The following SYNGR1 variants were observed in gnomAD, a reference collection of about 807,000 sequenced individuals.
SYNGR1 encodes synaptogyrin 1, also known as synaptogyrin-1.
A neutral mutation model predicts 26.1 loss-of-function variants in SYNGR1; 14 were observed. The ratio of observed to expected loss-of-function variants is 0.54; its 90% CI spans 0.35 to 0.84. The LOEUF (loss-of-function observed/expected upper bound fraction) is 0.84, where lower values mean the gene tolerates loss of function less well. Among genes scored for constraint, SYNGR1 ranks in the 40% least tolerant of loss-of-function variants. The probability of loss-of-function intolerance (pLI) is 0.01; values close to 1 mark genes in which losing one functional copy is unlikely to be tolerated. For synonymous variants in SYNGR1, 141 were observed against 150.1 expected (o/e 0.94, Z 0.44); for missense variants, 319 against 332.9 (o/e 0.96, Z 0.33).
At chr22:39,367,336 A>C (rs1215136267) in intron 1 of SYNGR1, among the ~76,000 whole-genome samples, 5 of 152,250 alleles carry the variant, frequency 3.3e-5, no homozygotes, top group Non-Finnish European at 5.9e-5. Context: ...CCAGCAAACA[A>C]ACAGCAAAGT....
chr22:39,377,283 A>AG lies in SYNGR1; in HGVS notation c.483+1091dup, dbSNP rs1031726049. The AG allele has an allele frequency of 2.1e-5, 21 of 985,324 alleles. No individual in the cohort carries two copies. The African/African-American group carries it at 3.5e-4, about 16-fold the overall frequency. The allele number at this position is 985,324 out of a possible 1,614,324, so 61.0% of individuals were successfully genotyped here. ...AACAATATTAGAAGATAGCATTTGG[A>AG]GGGGGAGACCCGTGGTTCAGGCCCT... On this transcript the variant is annotated intron_variant, in intron 3 of 3. Transcript: ENST00000328933.
intron 1 of SYNGR1, among the ~76,000 whole-genome samples, chr22:39,368,994 C>G (rs925461430): frequency 6.6e-6 from 1 of 152,204 alleles, no homozygotes; most frequent in Non-Finnish European, 1.5e-5. Flanking sequence ...TTACAGAGGA[C>G]CAATCTGAGG....
Position 39,385,436 on chromosome 22 carries a change from C to G in SYNGR1, c.*3522C>G, listed in dbSNP as rs1452442179. ...CCCATCCTGGGCCCCCACTCTAGAC[C>G]CCCCCACCACCTGGTTAAGTCTCGA... On this transcript the variant is annotated 3_prime_UTR_variant, in exon 4 of 4. Coordinates refer to ENST00000328933, the MANE Select transcript of SYNGR1 (RefSeq NM_004711.5). 2.0e-5 allele frequency: 3 copies of G among 152,588 alleles called. No homozygotes were observed. Among genetic ancestry groups the G allele is most frequent in the African/African-American group, 7.3e-5 (3 of 41,378 alleles). The allele number at this position is 152,588 out of a possible 1,614,324, so 9.5% of individuals were successfully genotyped here. A position where few individuals can be genotyped will look rare whatever the true frequency, so the allele number is the denominator to read the frequency against.
rs993258782 is a variant in SYNGR1, at chr22:39,384,807, G to A, written c.*2893G>A. On this transcript the variant is annotated 3_prime_UTR_variant, in exon 4 of 4. Transcript: ENST00000328933. ...AAAGGTTTCACATAAGTGTAGAGTC[G>A]CAAGGACGCTTAGAGTCGGCAGAGT... is the stretch of plus-strand genomic sequence containing the variant. The A allele has an allele frequency of 5.0e-6, 2 of 398,868 alleles. No individual in the cohort carries two copies. The highest frequency in any genetic ancestry group is 7.1e-5 in the East Asian group (2 of 28,162). The allele number at this position is 398,868 out of a possible 1,614,324, so 24.7% of individuals were successfully genotyped here. A position where few individuals can be genotyped will look rare whatever the true frequency, so the allele number is the denominator to read the frequency against.
At chr22:39,375,982 A>G (rs1265202247) in intron 2 of SYNGR1, 70 bp from the exon 3 acceptor site, 1 of 1,603,264 alleles carries the variant, frequency 6.2e-7, no homozygotes, top group Non-Finnish European at 8.5e-7. Flanking sequence ...CGGCTTCCCC[A>G]TTTTCTCCCC....
At chr22:39,369,514 T>C (rs1240191407) in intron 1 of SYNGR1, among the ~76,000 whole-genome samples, 5 of 152,100 alleles carry the variant, frequency 3.3e-5, no homozygotes, top group African/African-American at 1.2e-4. Context: ...ATCCCTTGGG[T>C]CTCTGGGAGT....
In SYNGR1 at chr22:39,385,225, G is replaced by C. The variant is rs1371121063; in HGVS notation, c.*3311G>C. On this transcript the variant is annotated 3_prime_UTR_variant, in exon 4 of 4. Transcript: ENST00000328933. ...ACTGGGCCGGCTGCCTCCCAGCGAT[G>C]CACTTGACCTGACACTCCCCATGTC... 9 of 382,588 alleles carry C rather than the reference G, an allele frequency of 2.4e-5. No homozygotes were observed. In the East Asian group the frequency reaches 3.4e-4, roughly 14 times the overall value. 23.7% of individuals were successfully genotyped at this position (382,588 alleles called of 1,614,324 possible). A position where few individuals can be genotyped will look rare whatever the true frequency, so the allele number is the denominator to read the frequency against.
chr22:39,381,116 C>T (rs1323736845), intron 3 of SYNGR1, among the ~76,000 whole-genome samples: 1 of 152,170 alleles, frequency 6.6e-6, no homozygotes, highest in Non-Finnish European at 1.5e-5. Flanking sequence ...TGCATGGCCC[C>T]CAGGCATCTT....
At chr22:39,352,492 G>T (rs1261508973) in intron 1 of SYNGR1, among the ~76,000 whole-genome samples, 1 of 152,190 alleles carries the variant, frequency 6.6e-6, no homozygotes, top group East Asian at 1.9e-4. Context: ...AAAAAGTTTG[G>T]TGGGGGGTGG....
intron 1 of SYNGR1, among the ~76,000 whole-genome samples, chr22:39,366,189 C>T (rs1471137819): frequency 6.7e-6 from 1 of 148,362 alleles, no homozygotes; most frequent in Non-Finnish European, 1.5e-5. Flanking sequence ...GGTCTCAAAC[C>T]CCTGGGCTCA....
intron 2 of SYNGR1, chr22:39,375,833 C>T: frequency 1.5e-6 from 1 of 663,488 alleles, no homozygotes; most frequent in Non-Finnish European, 2.8e-6. Context: ...GTGGCCTCCT[C>T]CCCCCTGCAT....
intron 1 of SYNGR1, among the ~76,000 whole-genome samples, chr22:39,359,608 G>C (rs1924365646): frequency 7.3e-6 from 1 of 137,536 alleles, no homozygotes; most frequent in African/African-American, 2.8e-5. Flanking sequence ...TCCAGCCTGG[G>C]CAACAAAGTG....
At chr22:39,379,353 G>A (rs1307287522) in intron 3 of SYNGR1, among the ~76,000 whole-genome samples, 1 of 152,238 alleles carries the variant, frequency 6.6e-6, no homozygotes, top group African/African-American at 2.4e-5. Flanking sequence ...TAATGCCCTA[G>A]CTGGGCATGG....
Position 39,385,011 on chromosome 22 carries a change from A to C in SYNGR1, c.*3097A>C, listed in dbSNP as rs1407865460. ...GGCTAATTCCCAGGGGACTGACGTT[A>C]GTTCCCTACTCCATCCTTCCCTGGT... On this transcript the variant is annotated 3_prime_UTR_variant, in exon 4 of 4. Coordinates refer to ENST00000328933, the MANE Select transcript of SYNGR1 (RefSeq NM_004711.5). 1 of 398,738 alleles carries C rather than the reference A, an allele frequency of 2.5e-6. No individual in the cohort carries two copies. Among genetic ancestry groups the C allele is most frequent in the African/African-American group, 2.1e-5 (1 of 48,616 alleles). The allele number at this position is 398,738 out of a possible 1,614,324, so 24.7% of individuals were successfully genotyped here. A position where few individuals can be genotyped will look rare whatever the true frequency, so the allele number is the denominator to read the frequency against.
chr22:39,375,429 G>A (rs1925234353), intron 2 of SYNGR1: 1 of 174,436 alleles, frequency 5.7e-6, no homozygotes, highest in Non-Finnish European at 1.2e-5. Context: ...ACTCACAGGA[G>A]ATTGCGTGGC....
At chr22:39,357,556 CCGGGGCTGCGTGCGGCGCTTG>C (rs1263001625) in intron 1 of SYNGR1, among the ~76,000 whole-genome samples, 1 of 152,026 alleles carries the variant, frequency 6.6e-6, no homozygotes, top group Non-Finnish European at 1.5e-5. Context: ...CGAGCGGGAA[CCGGGGCTGCGTGCGGCGCTTG>C]CGGGCCAGCT....
At chr22:39,380,051 C>T (rs1436076111) in intron 3 of SYNGR1, 1 of 151,768 alleles carries the variant, frequency 6.6e-6, no homozygotes, top group African/African-American at 2.4e-5. Flanking sequence ...TGACTTAGCT[C>T]AGTGTGGTCA....
chr22:39,374,310 C>G lies in SYNGR1; in HGVS notation c.100-6C>G. ...CAGGTCTAAGGTGTGGCCCCACCCCCGACAGCTGTTCTCCATAGTGGTGTT... is the reference window on the plus strand; with the variant it reads ...CAGGTCTAAGGTGTGGCCCCACCCCGGACAGCTGTTCTCCATAGTGGTGTT... On this transcript the variant is annotated splice_polypyrimidine_tract_variant and splice_region_variant and intron_variant, in intron 1 of 3. Transcript: ENST00000328933. 1.2e-6 allele frequency: 2 copies of G among 1,613,692 alleles called. No homozygotes were observed. Among genetic ancestry groups the G allele is most frequent in the Non-Finnish European group, 1.7e-6 (2 of 1,179,926 alleles).
chr22:39,375,665 G>T (rs556428434), intron 2 of SYNGR1: 1 of 539,466 alleles, frequency 1.9e-6, no homozygotes, highest in Non-Finnish European at 3.3e-6. Flanking sequence ...GGGGTGGACC[G>T]GGGGGGCCCA....
Sources: allele counts gnomAD v4.1 joint callset (sites outside exome capture counted in the v4.1 genomes callset), GRCh38; gene constraint gnomAD v4.1.1; transcripts MANE v1.5; gene names NCBI Gene and HGNC (gene_info 2026-07-23, HGNC 2026-07-21).